Variants in LFNG observed in about 807,000 individuals in gnomAD.
The protein encoded by LFNG is beta-1,3-N-acetylglucosaminyltransferase lunatic fringe.
In LFNG, 15 loss-of-function variants were observed where a neutral mutation model predicts 32.7. That is an observed-to-expected ratio of 0.46 (90% confidence interval 0.31 to 0.71). LFNG has a LOEUF of 0.71. LFNG is among the 30% of genes least tolerant of loss of function. The pLI is 0.06. For missense variants in LFNG, 520 were observed against 545.7 expected (o/e 0.95, Z 0.47); for synonymous variants, 274 against 246.8 (o/e 1.11, Z -1.03).
chr7:2,516,764 G>A (rs748097), upstream of LFNG, among the ~76,000 whole-genome samples: 43,614 of 152,180 alleles, frequency 0.29, 7,562 homozygotes, highest in Non-Finnish European at 0.39. Flanking sequence ...GAAGACTAGG[G>A]TCCAAGAAGC....
At chr7:2,514,807 GGTCT>G (rs1436142305), upstream of LFNG, among the ~76,000 whole-genome samples, 4 of 48,038 alleles carry the variant, frequency 8.3e-5, no homozygotes, top group East Asian at 3.8e-4. Flanking sequence ...TTCATCTGTC[GGTCT>G]GTCTGTCCAT....
In LFNG at chr7:2,527,776, G is replaced by C. The variant is rs533489651; in HGVS notation, c.*564G>C. The C allele has an allele frequency of 1.1e-5, 11 of 1,007,556 alleles. No individual in the cohort carries two copies. Among genetic ancestry groups the C allele is most frequent in the Non-Finnish European group, 1.3e-5 (11 of 841,816 alleles). 62.4% of individuals were successfully genotyped at this position (1,007,556 alleles called of 1,614,324 possible). On this transcript the variant is annotated 3_prime_UTR_variant, in exon 8 of 8. Transcript: ENST00000222725. This position sits in a 1 kb window ranked among gnomAD's most constrained non-coding sequence, Gnocchi z 4.4. Reference sequence around the variant, plus strand: ...TGGCTTAAGAGTAACAGCAGCCACCGCCCAGTTCCAGTGGCCCCACGAAGC... The same window carrying C: ...TGGCTTAAGAGTAACAGCAGCCACCCCCCAGTTCCAGTGGCCCCACGAAGC...
At chr7:2,513,183 A>C (rs752972947), upstream of LFNG, 12 of 1,613,730 alleles carry the variant, frequency 7.4e-6, no homozygotes, top group Non-Finnish European at 8.5e-6. Context: ...GCATGGAGCA[A>C]ATGCTCAGGA....
chr7:2,518,759 G>A (rs943816204), upstream of LFNG, among the ~76,000 whole-genome samples: 7 of 152,170 alleles, frequency 4.6e-5, no homozygotes, highest in African/African-American at 1.7e-4. Flanking sequence ...CGCAGCCACG[G>A]GCAGAGCCGC....
chr7:2,526,556 C>T lies in LFNG; in HGVS notation c.987+147C>T. The T allele has an allele frequency of 2.2e-6, 2 of 895,426 alleles. No individual in the cohort carries two copies. Among genetic ancestry groups the T allele is most frequent in the Non-Finnish European group, 3.5e-6 (2 of 577,892 alleles). 55.5% of individuals were successfully genotyped at this position (895,426 alleles called of 1,614,324 possible). On this transcript the variant is annotated intron_variant, in intron 6 of 7. Coordinates refer to ENST00000222725, the MANE Select transcript of LFNG (RefSeq NM_001040167.2). This position sits in a 1 kb window ranked among gnomAD's most constrained non-coding sequence, Gnocchi z 6.9. ...GTCAGCCAGGGGGGGTCACTCCTGC[C>T]ATGAGCTCAAAGCTGTTTATGGCGG...
At chr7:2,524,926 A>G (rs1465090438) in intron 2 of LFNG, among the ~76,000 whole-genome samples, 183 bp downstream of exon 2, 4 of 152,170 alleles carry the variant, frequency 2.6e-5, no homozygotes, top group Admixed American at 2.0e-4. Flanking sequence ...TCTCATGCAA[A>G]TGAAGCCCAT....
At chr7:2,525,096 C>A in intron 2 of LFNG, 123 bp from the exon 3 acceptor site, 3 of 883,334 alleles carry the variant, frequency 3.4e-6, no homozygotes, top group Non-Finnish European at 5.4e-6. Flanking sequence ...GAGGCTACGG[C>A]CGCCGGGCCC....
In LFNG at chr7:2,520,699, T is replaced by C. The variant is rs1190961219; in HGVS notation, c.432+406T>C. ...CAGACCCCTTCCTGGGGAGAAAGGC[T>C]CTTCCTTTAGAGAAGTGAGGGGTTC... On this transcript the variant is annotated intron_variant, in intron 1 of 7. Transcript: ENST00000222725. The surrounding 1 kb of genome is among the most constrained non-coding windows in gnomAD (Gnocchi z 5.0). Among the ~76,000 whole-genome samples, 2 of 152,232 alleles carry C rather than the reference T, an allele frequency of 1.3e-5. No individual in the cohort carries two copies. The highest frequency in any genetic ancestry group is 4.8e-5 in the African/African-American group (2 of 41,464).
upstream of LFNG, among the ~76,000 whole-genome samples, chr7:2,516,696 G>A (rs1259483531): frequency 2.0e-5 from 3 of 152,202 alleles, no homozygotes; most frequent in Non-Finnish European, 2.9e-5. Flanking sequence ...CGGGCCATTC[G>A]CACACCCAGC....
At position 2,526,975 on chromosome 7, in the gene LFNG, G is replaced by A. The variant is rs2128378192; in HGVS notation, c.1073+54G>A. On this transcript the variant is annotated intron_variant, in intron 7 of 7. Coordinates refer to ENST00000222725, the MANE Select transcript of LFNG (RefSeq NM_001040167.2). The surrounding 1 kb of genome is among the most constrained non-coding windows in gnomAD (Gnocchi z 6.9). ...GCGTAGGGTGGCCTAGGGGCGTCAG[G>A]GGGCCTCGTGGAGCTGCAGCAGGGT... The A allele has an allele frequency of 1.3e-6, 2 of 1,534,136 alleles. No individual in the cohort carries two copies. Among genetic ancestry groups the A allele is most frequent in the South Asian group, 1.1e-5 (1 of 88,140 alleles).
upstream of LFNG, chr7:2,518,579 C>A (rs751402441): frequency 3.1e-6 from 5 of 1,593,740 alleles, no homozygotes; most frequent in African/African-American, 2.7e-5. Context: ...TGCTGTCTTG[C>A]GGCTGACATT....
In LFNG at chr7:2,520,315, C is replaced by G; in HGVS notation, c.432+22C>G. The G allele has an allele frequency of 1.2e-6, 2 of 1,601,004 alleles. No individual in the cohort carries two copies. Among genetic ancestry groups the G allele is most frequent in the Non-Finnish European group, 1.7e-6 (2 of 1,172,734 alleles). Reference sequence around the variant, plus strand: ...GATGGTGAGCCCCCCGCGGCCTGGACTGGCGGGCGAGCGGGGCGGGGACCC... The same window carrying G: ...GATGGTGAGCCCCCCGCGGCCTGGAGTGGCGGGCGAGCGGGGCGGGGACCC... On this transcript the variant is annotated intron_variant, in intron 1 of 7. Coordinates refer to ENST00000222725, the MANE Select transcript of LFNG (RefSeq NM_001040167.2). This position sits in a 1 kb window ranked among gnomAD's most constrained non-coding sequence, Gnocchi z 5.0.
downstream of LFNG, among the ~76,000 whole-genome samples, chr7:2,528,625 G>A (rs1375311979): frequency 3.9e-5 from 6 of 152,194 alleles, no homozygotes; most frequent in East Asian, 3.9e-4. Context: ...CTACAGGTGC[G>A]GCCCACCCAG....
At chr7:2,518,674 C>A, upstream of LFNG, 1 of 1,558,974 alleles carries the variant, frequency 6.4e-7, no homozygotes, top group Non-Finnish European at 8.7e-7. Context: ...CCGAGGGGGG[C>A]AGTTTAGCCA....
rs970899968 is a variant in LFNG, at chr7:2,520,639, C to A, written c.432+346C>A. ...CATAGGGCATTATGTCCTCAAACTT[C>A]CACAAGCAAATTCTGTTCGGACCCA... On this transcript the variant is annotated intron_variant, in intron 1 of 7. Transcript: ENST00000222725. This position sits in a 1 kb window ranked among gnomAD's most constrained non-coding sequence, Gnocchi z 5.0. 5.9e-5 allele frequency among the ~76,000 whole-genome samples: 9 copies of A among 152,230 alleles called. No individual in the cohort carries two copies. The highest frequency in any genetic ancestry group is 1.2e-4 in the Non-Finnish European group (8 of 68,036).
Position 2,526,807 on chromosome 7 carries a change from C to G in LFNG, c.988-29C>G. ...CGGGGCCCAGGGATGTCGGGCCCCT[C>G]CCGGCATCACTCCGCCCGCTCCCCA... On this transcript the variant is annotated intron_variant, in intron 6 of 7. Transcript: ENST00000222725. The surrounding 1 kb of genome is among the most constrained non-coding windows in gnomAD (Gnocchi z 6.9). The G allele has an allele frequency of 6.2e-7, 1 of 1,607,990 alleles. No individual in the cohort carries two copies. Among genetic ancestry groups the G allele is most frequent in the Non-Finnish European group, 8.5e-7 (1 of 1,176,360 alleles).
intron 1 of LFNG, among the ~76,000 whole-genome samples, chr7:2,522,963 T>G (rs1441695163): frequency 6.6e-6 from 1 of 152,094 alleles, no homozygotes; most frequent in Non-Finnish European, 1.5e-5. Flanking sequence ...GGCTCAGGTG[T>G]CGGGAGACAG....
In LFNG at chr7:2,526,948, T is replaced by C. The variant is rs1402034580; in HGVS notation, c.1073+27T>C. On this transcript the variant is annotated intron_variant, in intron 7 of 7. Transcript: ENST00000222725. The surrounding 1 kb of genome is among the most constrained non-coding windows in gnomAD (Gnocchi z 6.9). ...TAAGGAAACCCCGGCCCAGATGGGC[T>C]TGCGTAGGGTGGCCTAGGGGCGTCA... 2 of 1,605,016 alleles carry C rather than the reference T, an allele frequency of 1.2e-6. No homozygotes were observed. The highest frequency in any genetic ancestry group is 1.7e-6 in the Non-Finnish European group (2 of 1,173,916).
At chr7:2,525,075 C>T (rs1032498636) in intron 2 of LFNG, 144 bp from the exon 3 acceptor site, 11 of 766,048 alleles carry the variant, frequency 1.4e-5, no homozygotes, top group Non-Finnish European at 2.2e-5. Flanking sequence ...AAGCCCCGAG[C>T]TAGGGTGGGG....
Sources: allele counts gnomAD v4.1 joint callset (sites outside exome capture counted in the v4.1 genomes callset), GRCh38; gene constraint gnomAD v4.1.1; non-coding constraint Gnocchi (gnomAD v3.1); transcripts MANE v1.5; gene names NCBI Gene and HGNC (gene_info 2026-07-23, HGNC 2026-07-21).